B4GALNT2: variants seen among roughly 807,000 people sequenced by gnomAD.
B4GALNT2 encodes the protein N-acetylneuraminylgalactosylglucosyl-glucoside beta-1,4-N- acetylgalactosaminyltransferase 2.
In B4GALNT2, 42 loss-of-function variants were observed where a neutral mutation model predicts 51.1. The observed-to-expected ratio is 0.82, with a 90% CI of 0.64 to 1.06. The LOEUF is 1.06. Ranked by LOEUF, B4GALNT2 falls within the 50% of genes least tolerant of loss-of-function variation. The pLI is 0.00. For missense variants in B4GALNT2, 602 were observed against 633.6 expected (o/e 0.95, Z 0.54); for synonymous variants, 253 against 251.7 (o/e 1.01, Z -0.05).
rs62079775 is a variant in B4GALNT2, at chr17:49,160,708, G to T, written c.766+67G>T. ...GAAGCTATTGGTGAAATTCAGAAGG[G>T]ATCACCTCTGAGACGGAGGAGAATT... On this transcript the variant is annotated intron_variant, in intron 7 of 10. Transcript: ENST00000393354. 6,844 of 1,395,220 alleles carry T rather than the reference G, an allele frequency of 4.9e-3. 46 individuals are homozygous for T. Among genetic ancestry groups the T allele is most frequent in the Middle Eastern group, 0.024 (135 of 5,648 alleles). The allele number at this position is 1,395,220 out of a possible 1,614,324, so 86.4% of individuals were successfully genotyped here. A position where few individuals can be genotyped will look rare whatever the true frequency, so the allele number is the denominator to read the frequency against.
the B4GALNT2 span, among the ~76,000 whole-genome samples, chr17:49,125,012 G>C: frequency 1.3e-5 from 2 of 151,744 alleles, no homozygotes; most frequent in African/African-American, 4.8e-5. Context: ...TTTTAATCTA[G>C]GTAAAAAACC....
At chr17:49,142,574 C>T (rs973409234) in intron 3 of B4GALNT2, among the ~76,000 whole-genome samples, 22 of 151,962 alleles carry the variant, frequency 1.4e-4, no homozygotes, top group African/African-American at 5.3e-4. Context: ...TGCCTGTAGT[C>T]CCAGCTACTC....
intron 3 of B4GALNT2, among the ~76,000 whole-genome samples, chr17:49,146,540 G>C (rs1228595092): frequency 6.6e-6 from 1 of 152,116 alleles, no homozygotes; most frequent in African/African-American, 2.4e-5. Context: ...TGAACTCCTA[G>C]CCTCAAGTGA....
chr17:49,141,982 A>G, intron 2 of B4GALNT2, 53 bp from the exon 3 acceptor site: 4 of 1,607,380 alleles, frequency 2.5e-6, no homozygotes, highest in Non-Finnish European at 2.6e-6. Flanking sequence ...GTTTCCTCTC[A>G]CCCACCAGCC....
rs867454056 is a variant in B4GALNT2, at chr17:49,175,513, C to A, written c.*5785C>A. 1.3e-5 allele frequency: 2 copies of A among 152,224 alleles called. No individual in the cohort carries two copies. Among genetic ancestry groups the A allele is most frequent in the African/African-American group, 2.4e-5 (1 of 41,458 alleles). The allele number at this position is 152,224 out of a possible 1,614,324, so 9.4% of individuals were successfully genotyped here. On this transcript the variant is annotated 3_prime_UTR_variant, in exon 11 of 11. Transcript: ENST00000393354. Reference sequence around the variant, plus strand: ...CCTAGAAGTAATCCTATCATCCCCCCGGCAAGCATCCACAGACCCCTATTG... The same window carrying A: ...CCTAGAAGTAATCCTATCATCCCCCAGGCAAGCATCCACAGACCCCTATTG...
In B4GALNT2 at chr17:49,152,886, T is replaced by G. The variant is rs1567861432; in HGVS notation, c.440T>G (p.Leu147Arg). 17 of 1,610,506 alleles carry G rather than the reference T, an allele frequency of 1.1e-5. 1 individual carries two copies. The highest frequency in any genetic ancestry group is 1.2e-5 in the Non-Finnish European group (14 of 1,178,186). Reference protein sequence around the residue: ...YPVHGVEVMPLHTVPIPGLQF... With the variant: ...YPVHGVEVMPRHTVPIPGLQF... ...GTCCACGGAGTGGAGGTGATGCCCC[T>G]GCACACGGTTCCCATCCCAGGTAAG... Residue 147 changes from leucine to arginine, a missense_variant, in exon 4 of 11, where the codon CTG becomes CGG. Transcript: ENST00000393354.
chr17:49,163,994 G>C (rs959567142), intron 7 of B4GALNT2, 94 bp from the exon 8 acceptor site: 1 of 1,262,798 alleles, frequency 7.9e-7, no homozygotes, highest in Non-Finnish European at 1.1e-6. Flanking sequence ...GACACTGACA[G>C]GTTATGGCAG....
At chr17:49,166,017 G>C in intron 8 of B4GALNT2, 97 bp from the exon 9 acceptor site, 2 of 1,365,208 alleles carry the variant, frequency 1.5e-6, no homozygotes, top group Non-Finnish European at 2.0e-6. Flanking sequence ...TTTGTCTGGA[G>C]TGCATGCAGC....
In B4GALNT2 at chr17:49,175,664, T is replaced by G. The variant is rs992183951; in HGVS notation, c.*5936T>G. 1 of 152,114 alleles carries G rather than the reference T, an allele frequency of 6.6e-6. No homozygotes were observed. Among genetic ancestry groups the G allele is most frequent in the African/African-American group, 2.4e-5 (1 of 41,402 alleles). 9.4% of individuals were successfully genotyped at this position (152,114 alleles called of 1,614,324 possible). On this transcript the variant is annotated 3_prime_UTR_variant, in exon 11 of 11. Coordinates refer to ENST00000393354, the MANE Select transcript of B4GALNT2 (RefSeq NM_001159387.2). The stretch of plus-strand genomic sequence containing the variant: ...AGGGGTGAGGGAGTGAGCTATAATA[T>G]TTCCCTGTTGATCTGGGGGGTATAT...
chr17:49,159,028 C>T lies in B4GALNT2; in HGVS notation c.499-9C>T. 5 of 1,613,090 alleles carry T rather than the reference C, an allele frequency of 3.1e-6. No homozygotes were observed. The highest frequency in any genetic ancestry group is 4.2e-6 in the Non-Finnish European group (5 of 1,179,348). On this transcript the variant is annotated splice_polypyrimidine_tract_variant and intron_variant, in intron 5 of 10. Coordinates refer to ENST00000393354, the MANE Select transcript of B4GALNT2 (RefSeq NM_001159387.2). ...TGCATTGAGCATCATTCTACCTCAC[C>T]CACCCTAGGTCACCCTGACAGCTTC... is the stretch of plus-strand genomic sequence containing the variant.
At chr17:49,140,884 A>T (rs2042637577) in intron 1 of B4GALNT2, among the ~76,000 whole-genome samples, 1 of 151,872 alleles carries the variant, frequency 6.6e-6, no homozygotes, top group Admixed American at 6.6e-5. Context: ...ATGCCCAGCT[A>T]ATTTTTGTAT....
intron 3 of B4GALNT2, among the ~76,000 whole-genome samples, chr17:49,150,896 G>A (rs968355943): frequency 6.0e-5 from 9 of 151,128 alleles, no homozygotes; most frequent in African/African-American, 2.0e-4. Flanking sequence ...CCCCCTCTGC[G>A]AGAAACACCC....
Position 49,168,859 on chromosome 17 carries a change from G to A in B4GALNT2, c.1274G>A (p.Arg425Lys). 6.2e-7 allele frequency: 1 copy of A among 1,613,280 alleles called. No individual in the cohort carries two copies. The highest frequency in any genetic ancestry group is 8.5e-7 in the Non-Finnish European group (1 of 1,179,998). Residue 425 changes from arginine (R) to lysine (K), a missense_variant, in exon 10 of 11, where the codon AGA becomes AAA. Physicochemically the swap from Arg to Lys is conservative, Grantham distance 26. Transcript: ENST00000393354. Reference sequence around the variant, plus strand: ...CTGGCCCACACGGAGCGACTCCAAAGAGTTGGCTTTGATCCCCGCCTGCAA... The same window carrying A: ...CTGGCCCACACGGAGCGACTCCAAAAAGTTGGCTTTGATCCCCGCCTGCAA... ...FFLAHTERLQ[R>K]VGFDPRLQRV...
chr17:49,135,770 A>C (rs376609403), intron 1 of B4GALNT2, among the ~76,000 whole-genome samples: 1 of 151,574 alleles, frequency 6.6e-6, no homozygotes, highest in African/African-American at 2.4e-5. Flanking sequence ...GGCTCTAAAA[A>C]AGGAAAATCC....
chr17:49,131,510 TC>T (rs1375124032), upstream of B4GALNT2, among the ~76,000 whole-genome samples: 4 of 141,218 alleles, frequency 2.8e-5, no homozygotes, highest in South Asian at 6.8e-4. Context: ...TTTCTTTTTT[TC>T]CCTTTTTTTG....
chr17:49,162,952 C>G (rs1011765741), intron 7 of B4GALNT2, among the ~76,000 whole-genome samples: 2 of 131,466 alleles, frequency 1.5e-5, no homozygotes, highest in African/African-American at 5.6e-5. Context: ...GAGGGTGGCA[C>G]AGGGGGAGGG....
In B4GALNT2 at chr17:49,172,626, G is replaced by C. The variant is rs892163680; in HGVS notation, c.*2898G>C. 1.3e-5 allele frequency: 2 copies of C among 154,106 alleles called. No homozygotes were observed. Among genetic ancestry groups the C allele is most frequent in the African/African-American group, 4.8e-5 (2 of 41,498 alleles). 9.5% of individuals were successfully genotyped at this position (154,106 alleles called of 1,614,324 possible). A position where few individuals can be genotyped will look rare whatever the true frequency, so the allele number is the denominator to read the frequency against. On this transcript the variant is annotated 3_prime_UTR_variant, in exon 11 of 11. Coordinates refer to ENST00000393354, the MANE Select transcript of B4GALNT2 (RefSeq NM_001159387.2). ...ATTCTTTCTACTATGGCTTGTCCTT[G>C]AGAATTATATGGGATGCCAGTAATG...
Position 49,164,239 on chromosome 17 carries a change from C to T in B4GALNT2, c.918C>T (p.Asp306=). The change falls in exon 8 of 11, where the codon GAC becomes GAT. Residue 306 remains aspartate, a synonymous_variant. Transcript: ENST00000393354. ...DDSQKPLEIK[D]NHVEYYTMPF... The stretch of plus-strand genomic sequence containing the variant: ...GCCAGAAGCCCCTGGAAATTAAAGA[C>T]AATCACGTGGAGTATTACACTATGC... 2 of 1,613,556 alleles carry T rather than the reference C, an allele frequency of 1.2e-6. No homozygotes were observed.
At chr17:49,137,904 G>C (rs1475014047) in intron 1 of B4GALNT2, among the ~76,000 whole-genome samples, 2 of 152,142 alleles carry the variant, frequency 1.3e-5, no homozygotes, top group African/African-American at 4.8e-5. Flanking sequence ...AATGATCACT[G>C]TGAGACCTGA....
Sources: gnomAD v4.1 joint callset for allele counts (sites outside exome capture counted in the v4.1 genomes callset) on GRCh38, gnomAD v4.1.1 for gene constraint, MANE v1.5 for transcripts, NCBI Gene and HGNC (gene_info 2026-07-23, HGNC 2026-07-21) for gene names.